Variants in RNF150 observed in about 807,000 individuals in gnomAD.
The protein encoded by RNF150 is ring finger protein 150.
In RNF150, 24 loss-of-function variants were observed where a neutral mutation model predicts 39.3. The observed-to-expected ratio is 0.61, with a 90% CI of 0.44 to 0.86. The LOEUF (loss-of-function observed/expected upper bound fraction) is 0.86, where lower values mean the gene tolerates loss of function less well. RNF150 is among the 40% of genes least tolerant of loss of function. The probability of loss-of-function intolerance (pLI) is 0.00; values close to 1 mark genes in which losing one functional copy is unlikely to be tolerated. For synonymous variants in RNF150, 255 were observed against 227.3 expected (o/e 1.12, Z -1.10); for missense variants, 502 against 587.8 (o/e 0.85, Z 1.51).
At chr4:140,951,372 T>C (rs1355871797) in intron 2 of RNF150, among the ~76,000 whole-genome samples, 5 of 152,124 alleles carry the variant, frequency 3.3e-5, no homozygotes, top group Non-Finnish European at 1.5e-5. Flanking sequence ...TGATCTCTTA[T>C]TCTGTGCCAA....
chr4:140,974,110 TATAG>T (rs1170779550), intron 1 of RNF150, among the ~76,000 whole-genome samples: 2 of 152,168 alleles, frequency 1.3e-5, no homozygotes, highest in Non-Finnish European at 2.9e-5. Context: ...TTATCACATA[TATAG>T]AGTCATATAA....
At chr4:141,183,529 CTTTAT>C (rs1041971684) in intron 1 of RNF150, among the ~76,000 whole-genome samples, 7 of 150,276 alleles carry the variant, frequency 4.7e-5, no homozygotes, top group African/African-American at 1.0e-4. Flanking sequence ...TTTTATTTTA[CTTTAT>C]TTTATTTTTA....
chr4:140,960,955 G>A (rs913765253), intron 2 of RNF150, among the ~76,000 whole-genome samples: 4 of 152,090 alleles, frequency 2.6e-5, no homozygotes, highest in African/African-American at 9.7e-5. Flanking sequence ...CTACGGGGCT[G>A]GCTTTACATG....
intron 1 of RNF150, among the ~76,000 whole-genome samples, chr4:141,105,249 C>A (rs1345861700): frequency 1.3e-5 from 2 of 151,744 alleles, no homozygotes; most frequent in African/African-American, 4.9e-5. Context: ...CTACTTACCT[C>A]ATATTATCAT....
intron 1 of RNF150, among the ~76,000 whole-genome samples, chr4:141,036,944 T>A (rs905761353): frequency 6.6e-6 from 1 of 152,208 alleles, no homozygotes; most frequent in Non-Finnish European, 1.5e-5. Context: ...ACTGTTGATG[T>A]GAATATTTCT....
chr4:140,898,727 C>A (rs767451887), intron 6 of RNF150, among the ~76,000 whole-genome samples: 5 of 152,070 alleles, frequency 3.3e-5, no homozygotes, highest in Non-Finnish European at 7.4e-5. Flanking sequence ...GCTTTTTAAC[C>A]CATTGAGTTC....
chr4:141,197,342 C>G (rs1481818905), intron 1 of RNF150, among the ~76,000 whole-genome samples: 1 of 152,054 alleles, frequency 6.6e-6, no homozygotes, highest in Non-Finnish European at 1.5e-5. Context: ...TCTATTTCCT[C>G]CATTTTTTGT....
intron 1 of RNF150, among the ~76,000 whole-genome samples, chr4:141,200,656 G>A (rs1728276173): frequency 6.6e-6 from 1 of 152,100 alleles, no homozygotes; most frequent in African/African-American, 2.4e-5. Context: ...TATGAATTTG[G>A]TGTGTGTGTT....
At chr4:141,128,423 G>C (rs1726806514) in intron 1 of RNF150, among the ~76,000 whole-genome samples, 1 of 152,108 alleles carries the variant, frequency 6.6e-6, no homozygotes, top group Admixed American at 6.5e-5. Context: ...GGCTCTAGAG[G>C]CTACACTCCT....
intron 6 of RNF150, among the ~76,000 whole-genome samples, chr4:140,885,884 G>A (rs900617463): frequency 9.9e-5 from 15 of 152,158 alleles, no homozygotes; most frequent in African/African-American, 1.9e-4. Context: ...GATTACAGGC[G>A]TAAGCCACAG....
At chr4:140,959,006 A>G (rs552413850) in intron 2 of RNF150, among the ~76,000 whole-genome samples, 2 of 152,100 alleles carry the variant, frequency 1.3e-5, no homozygotes, top group African/African-American at 4.8e-5. Flanking sequence ...AGTCTGATAT[A>G]AAAGGTTTCC....
At chr4:141,073,072 C>T (rs1033767570) in intron 1 of RNF150, among the ~76,000 whole-genome samples, 17 of 152,090 alleles carry the variant, frequency 1.1e-4, no homozygotes, top group Middle Eastern at 3.4e-3. Flanking sequence ...CACGGCACCA[C>T]GGCCTGATCA....
chr4:141,106,759 A>G (rs1739223164), intron 1 of RNF150, among the ~76,000 whole-genome samples: 1 of 152,092 alleles, frequency 6.6e-6, no homozygotes, highest in African/African-American at 2.4e-5. Context: ...GTGCCATTGC[A>G]CTCCAGTGTG....
chr4:141,193,994 G>A (rs537621317), intron 1 of RNF150, among the ~76,000 whole-genome samples: 2 of 152,294 alleles, frequency 1.3e-5, no homozygotes, highest in Admixed American at 1.3e-4. Flanking sequence ...AAGCAATGAA[G>A]CATTGTCATT....
At chr4:141,053,823 T>A in intron 1 of RNF150, 1 of 584,336 alleles carries the variant, frequency 1.7e-6, no homozygotes, top group South Asian at 6.4e-5. Context: ...ATGCTCTCTC[T>A]CTTTCCAAAA....
At chr4:141,027,590 C>T (rs184910883) in intron 1 of RNF150, among the ~76,000 whole-genome samples, 35 of 152,236 alleles carry the variant, frequency 2.3e-4, no homozygotes, top group Admixed American at 1.5e-3. Context: ...GTGACTAAAT[C>T]CTGGTCAGAC....
rs193301893 is a variant in RNF150, at chr4:140,884,746, G to T, written c.1199-16367C>A. On this transcript the variant is annotated intron_variant, in intron 6 of 6. Transcript: ENST00000515673. ...CCTGTCTGTGCTTAGATTTCGGGAAGACAGAAGCCAGTCCCTTAGGTAACA... is the reference window on the plus strand; with the variant it reads ...CCTGTCTGTGCTTAGATTTCGGGAATACAGAAGCCAGTCCCTTAGGTAACA... Among the ~76,000 whole-genome samples, 244 of 152,230 alleles carry T rather than the reference G, an allele frequency of 1.6e-3. 1 individual carries two copies. The highest frequency in any genetic ancestry group is 5.5e-3 in the African/African-American group (229 of 41,526).
At chr4:140,924,564 T>C (rs936461542) in intron 5 of RNF150, among the ~76,000 whole-genome samples, 1 of 152,208 alleles carries the variant, frequency 6.6e-6, no homozygotes, top group African/African-American at 2.4e-5. Context: ...TCTAAAGATT[T>C]TGGAGACCAT....
At chr4:141,185,855 C>T (rs1027469052) in intron 1 of RNF150, among the ~76,000 whole-genome samples, 3 of 152,116 alleles carry the variant, frequency 2.0e-5, no homozygotes, top group African/African-American at 7.2e-5. Context: ...ATTTGTTGAA[C>T]CAGCTTTGCA....
Sources: allele counts gnomAD v4.1 joint callset (sites outside exome capture counted in the v4.1 genomes callset), GRCh38; gene constraint gnomAD v4.1.1; transcripts MANE v1.5; gene names NCBI Gene and HGNC (gene_info 2026-07-23, HGNC 2026-07-21).